Variants in EXTL3 observed in about 807,000 individuals in gnomAD.
The protein encoded by EXTL3 is exostosin-like 3.
EXTL3 carries 27 observed loss-of-function variants against 69.3 expected under a neutral mutation model. The ratio of observed to expected loss-of-function variants is 0.39; its 90% CI spans 0.29 to 0.54. The LOEUF (loss-of-function observed/expected upper bound fraction) is 0.54, where lower values mean the gene tolerates loss of function less well. Among genes scored for constraint, EXTL3 ranks in the 20% least tolerant of loss-of-function variants. The probability of loss-of-function intolerance (pLI) is 0.69; values close to 1 mark genes in which losing one functional copy is unlikely to be tolerated. For synonymous variants in EXTL3, 511 were observed against 499.4 expected, an observed-to-expected ratio of 1.02 and a Z score of -0.31; for missense variants, 1,003 against 1,231.8, an observed-to-expected ratio of 0.81 and a Z score of 2.78.
chr8:28,737,573 A>G lies in EXTL3; in HGVS notation c.2331A>G (p.Ala777=), dbSNP rs375440390. Residue 777 remains alanine (A), a synonymous_variant, in exon 5 of 7, where the codon GCA becomes GCG. Transcript: ENST00000220562. ...RIVGFPGRYH[A]WDIPHQSWLY... is the part of the protein sequence containing the mutation. ...TGGGCTTCCCTGGCCGTTACCACGCATGGGACATCCCCCATCAGTCCTGGC... is the reference window on the plus strand; with the variant it reads ...TGGGCTTCCCTGGCCGTTACCACGCGTGGGACATCCCCCATCAGTCCTGGC... The G allele has an allele frequency of 1.1e-5, 18 of 1,613,976 alleles. No individual in the cohort carries two copies. In the African/African-American group the frequency reaches 1.2e-4, roughly 11 times the overall value.
chr8:28,641,611 G>T (rs929004705), intron 1 of EXTL3, among the ~76,000 whole-genome samples: 1 of 151,980 alleles, frequency 6.6e-6, no homozygotes, highest in African/African-American at 2.4e-5. Context: ...GGAGTAGCTG[G>T]GATTACAGGC....
chr8:28,669,677 C>T (rs1428982970), intron 1 of EXTL3, among the ~76,000 whole-genome samples: 1 of 152,152 alleles, frequency 6.6e-6, no homozygotes, highest in Admixed American at 6.5e-5. Flanking sequence ...GGGGACTGTA[C>T]ATGTTGTTTC....
At chr8:28,729,374 A>T (rs1801484299) in intron 3 of EXTL3, among the ~76,000 whole-genome samples, 1 of 150,050 alleles carries the variant, frequency 6.7e-6, no homozygotes, top group South Asian at 2.1e-4. Context: ...AGGTGGGCGG[A>T]TCATGAGGTC....
chr8:28,629,513 T>C (rs1044972860), intron 1 of EXTL3, among the ~76,000 whole-genome samples: 1 of 152,170 alleles, frequency 6.6e-6, no homozygotes, highest in Non-Finnish European at 1.5e-5. Flanking sequence ...ATCTGCCATC[T>C]TTATTCTAGA....
chr8:28,728,568 T>C (rs1801462594), intron 3 of EXTL3, among the ~76,000 whole-genome samples: 1 of 152,180 alleles, frequency 6.6e-6, no homozygotes, highest in Non-Finnish European at 1.5e-5. Context: ...GGACCTCCTC[T>C]GGGGCTGAGG....
In EXTL3 at chr8:28,717,669, G is replaced by T. The variant is rs769181445; in HGVS notation, c.1610G>T (p.Arg537Leu). The T allele has an allele frequency of 6.2e-7, 1 of 1,614,142 alleles. No homozygotes were observed. The highest frequency in any genetic ancestry group is 1.7e-5 in the Admixed American group (1 of 60,034). ...ACCGTGCTGGCTATGATTAGGACTC[G>T]CATCCAGATCCCAGCCGCTCCCATC... Reference protein sequence around the residue: ...FNTVLAMIRTRIQIPAAPIRE... With the variant: ...FNTVLAMIRTLIQIPAAPIRE... The change falls in exon 3 of 7, where the codon CGC becomes CTC. Residue 537 changes from arginine to leucine, a missense_variant. By Grantham distance (102) the Arg-to-Leu change is moderately radical. Around this residue, in one of 2 missense-constraint regions of EXTL3, gnomAD observed 742 missense variants for 815.4 expected, o/e 0.91. Coordinates refer to ENST00000220562, the MANE Select transcript of EXTL3 (RefSeq NM_001440.4). The surrounding 1 kb of genome is among the most constrained non-coding windows in gnomAD (Gnocchi z 8.3).
At chr8:28,662,104 CATT>C (rs981802512) in intron 1 of EXTL3, among the ~76,000 whole-genome samples, 6 of 151,954 alleles carry the variant, frequency 3.9e-5, no homozygotes, top group African/African-American at 1.4e-4. Context: ...AAACCTGTTA[CATT>C]ATTATTTTTT....
At chr8:28,675,026 T>C (rs981947574) in intron 1 of EXTL3, among the ~76,000 whole-genome samples, 1 of 152,138 alleles carries the variant, frequency 6.6e-6, no homozygotes, top group Non-Finnish European at 1.5e-5. Flanking sequence ...GACTGGCCCA[T>C]AAGAGGTGTG....
chr8:28,671,788 G>A (rs1585242913), intron 1 of EXTL3, among the ~76,000 whole-genome samples: 1 of 152,218 alleles, frequency 6.6e-6, no homozygotes, highest in South Asian at 2.1e-4. Context: ...GAGGAAAAGG[G>A]AACCCTAGAA....
At chr8:28,679,463 T>G (rs1401615407) in intron 1 of EXTL3, among the ~76,000 whole-genome samples, 4 of 151,808 alleles carry the variant, frequency 2.6e-5, no homozygotes, top group Non-Finnish European at 5.9e-5. Flanking sequence ...GAATGTCCAG[T>G]CTGGTGGCTC....
intron 3 of EXTL3, among the ~76,000 whole-genome samples, chr8:28,719,141 T>G (rs549355603): frequency 1.6e-4 from 24 of 152,192 alleles, no homozygotes; most frequent in Non-Finnish European, 3.1e-4. Context: ...TTTTAAAAAA[T>G]GTACTTCACT....
rs1801131924 is a variant in EXTL3 at position 28,715,913 on chromosome 8, A to ATG, written c.-145_-144dup. On this transcript the variant is annotated 5_prime_UTR_variant, in exon 3 of 7. An upstream open reading frame in the 5' UTR gains an earlier in-frame stop. Transcript: ENST00000220562. Reference sequence around the variant, plus strand: ...TTCAGCTGCAGCTGAGGAAAATGAAATGTTCATTTTATTTGGTGCCTTGTC... The same window carrying ATG: ...TTCAGCTGCAGCTGAGGAAAATGAAATGTGTTCATTTTATTTGGTGCCTTGTC... 8 of 654,440 alleles carry ATG rather than the reference A, an allele frequency of 1.2e-5. No individual in the cohort carries two copies. The highest frequency in any genetic ancestry group is 1.8e-5 in the Non-Finnish European group (7 of 383,040). The allele number at this position is 654,440 out of a possible 1,614,324, so 40.5% of individuals were successfully genotyped here.
intron 5 of EXTL3, chr8:28,741,321 A>T (rs968293957): frequency 2.6e-5 from 4 of 152,204 alleles, no homozygotes; most frequent in Admixed American, 6.5e-5. Flanking sequence ...TTATTGTTAA[A>T]ATGTCATTTC....
rs1488091890 is a variant in EXTL3 at position 28,715,890 on chromosome 8, C to T, written c.-170C>T. ...GCTGGAATAGGGTCAGAGACCATTT[C>T]AGCTGCAGCTGAGGAAAATGAAATG... On this transcript the variant is annotated 5_prime_UTR_variant, in exon 3 of 7. Transcript: ENST00000220562. The T allele has an allele frequency of 4.9e-6, 3 of 618,316 alleles. No homozygotes were observed. The highest frequency in any genetic ancestry group is 5.7e-6 in the Non-Finnish European group (2 of 353,052). 38.3% of individuals were successfully genotyped at this position (618,316 alleles called of 1,614,324 possible). A position where few individuals can be genotyped will look rare whatever the true frequency, so the allele number is the denominator to read the frequency against.
At chr8:28,677,625 T>C (rs1193776089) in intron 1 of EXTL3, among the ~76,000 whole-genome samples, 1 of 152,244 alleles carries the variant, frequency 6.6e-6, no homozygotes, top group Non-Finnish European at 1.5e-5. Context: ...GCAATCATTG[T>C]GAAGCACAAA....
At chr8:28,619,928 TG>T (rs995847923), upstream of EXTL3, among the ~76,000 whole-genome samples, 5 of 129,278 alleles carry the variant, frequency 3.9e-5, no homozygotes, top group African/African-American at 1.1e-4. Flanking sequence ...TGGAGTACAG[TG>T]GCGCGATCTT....
At chr8:28,660,554 C>T (rs1807091545) in intron 1 of EXTL3, among the ~76,000 whole-genome samples, 1 of 152,042 alleles carries the variant, frequency 6.6e-6, no homozygotes, top group Admixed American at 6.6e-5. Flanking sequence ...ATATACATAA[C>T]ACAATTTATC....
chr8:28,669,161 G>T (rs746182447), intron 1 of EXTL3, among the ~76,000 whole-genome samples: 5 of 152,150 alleles, frequency 3.3e-5, no homozygotes, highest in Non-Finnish European at 7.4e-5. Flanking sequence ...ACTGTGCCTG[G>T]CCTGATAGAA....
chr8:28,657,633 A>G (rs995995552), intron 1 of EXTL3, among the ~76,000 whole-genome samples: 1 of 151,982 alleles, frequency 6.6e-6, no homozygotes, highest in Non-Finnish European at 1.5e-5. Context: ...TAATGTATAC[A>G]TCTTTCACAT....
Sources: gnomAD v4.1 joint callset for allele counts (sites outside exome capture counted in the v4.1 genomes callset) on GRCh38, gnomAD v4.1.1 for gene constraint, gnomAD v4.1.1 regional missense constraint, Gnocchi (gnomAD v3.1) non-coding constraint, MANE v1.5 for transcripts, NCBI Gene and HGNC (gene_info 2026-07-23, HGNC 2026-07-21) for gene names.